The following GLYCTK variants were observed in gnomAD, a reference collection of about 807,000 sequenced individuals.
GLYCTK encodes glycerate kinase.
A neutral mutation model predicts 24.8 loss-of-function variants in GLYCTK; 22 were observed. The ratio of observed to expected loss-of-function variants is 0.89; its 90% CI spans 0.63 to 1.27. The LOEUF is 1.27. GLYCTK is among the 50% of genes most tolerant of loss of function. The probability of loss-of-function intolerance (pLI) is 0.00; values close to 1 mark genes in which losing one functional copy is unlikely to be tolerated. For missense variants in GLYCTK, 684 were observed against 686.7 expected (o/e 1.00, Z 0.04); for synonymous variants, 320 against 297.2 (o/e 1.08, Z -0.79).
Position 52,293,058 on chromosome 3 carries a change from C to G in GLYCTK, c.1504C>G (p.Leu502Val), listed in dbSNP as rs1316940426. 1 of 1,614,148 alleles carries G rather than the reference C, an allele frequency of 6.2e-7. No individual in the cohort carries two copies. ...CTGCTGCCTCCAGGGTGGGGCACACCTGCTGCACACAGGGATGACAGGTAC... is the reference window on the plus strand; with the variant it reads ...CTGCTGCCTCCAGGGTGGGGCACACGTGCTGCACACAGGGATGACAGGTAC... ...FFCCLQGGAH[L>V]LHTGMTGTNV... The change falls in exon 5 of 5, where the codon CTG (leucine) becomes GTG (valine). Residue 502 changes from leucine (L) to valine (V), a missense_variant. Physicochemically the swap from Leu to Val is conservative, Grantham distance 32. Transcript: ENST00000436784.
intron 1 of GLYCTK, chr3:52,288,624 C>T (rs772900636): frequency 6.6e-6 from 1 of 152,096 alleles, no homozygotes; most frequent in Non-Finnish European, 1.5e-5. Flanking sequence ...CAAATTTAAC[C>T]GGAAGTCCTG....
rs35976326 is a variant in GLYCTK at position 52,291,023 on chromosome 3, G to A, written c.441G>A (p.Pro147=). Residue 147 remains proline (P), a synonymous_variant, in exon 3 of 5, where the codon CCG becomes CCA. Transcript: ENST00000436784. Reference sequence around the variant, plus strand: ...TCGAGGGTGCGGAGGACAACCTCCCGGACCGCGATGCGCTGCGGGCTGCAC... The same window carrying A: ...TCGAGGGTGCGGAGGACAACCTCCCAGACCGCGATGCGCTGCGGGCTGCAC... ...QVFEGAEDNL[P]DRDALRAALA... 194,782 of 1,613,758 alleles carry A rather than the reference G, an allele frequency of 0.12. 14,166 individuals carry two copies. The highest frequency in any genetic ancestry group is 0.32 in the African/African-American group (23,856 of 74,960).
chr3:52,293,510 C>T lies in GLYCTK; in HGVS notation c.*384C>T, dbSNP rs1017425241. On this transcript the variant is annotated 3_prime_UTR_variant, in exon 5 of 5. Coordinates refer to ENST00000436784, the MANE Select transcript of GLYCTK (RefSeq NM_145262.4). ...CGCCTTCCCTCAGAGTGAGGCCTCA[C>T]GGGGGAGCCGCTGGGAGGGGAGCGT... 26 of 471,214 alleles carry T rather than the reference C, an allele frequency of 5.5e-5. No homozygotes were observed. The highest frequency in any genetic ancestry group is 1.3e-4 in the East Asian group (2 of 15,290). The allele number at this position is 471,214 out of a possible 1,614,324, so 29.2% of individuals were successfully genotyped here. A position where few individuals can be genotyped will look rare whatever the true frequency, so the allele number is the denominator to read the frequency against.
chr3:52,291,521 G>C (rs950536249), intron 3 of GLYCTK: 13 of 594,872 alleles, frequency 2.2e-5, no homozygotes, highest in Non-Finnish European at 3.9e-5. Context: ...GTCTCTTAAG[G>C]AGTAGTTAGT....
Position 52,291,899 on chromosome 3 carries a change from G to C in GLYCTK, c.682G>C (p.Ala228Pro). The C allele has an allele frequency of 6.2e-7, 1 of 1,613,202 alleles. No homozygotes were observed. The highest frequency in any genetic ancestry group is 8.5e-7 in the Non-Finnish European group (1 of 1,179,748). ...ALSQLKGGGL[A>P]QAAYPAQVVS... ...GTCCCAGCTCAAGGGTGGGGGGCTG[G>C]CTCAGGCCGCCTACCCTGCCCAGGT... Residue 228 changes from alanine (A) to proline (P), a missense_variant, in exon 4 of 5, where the codon GCT becomes CCT. Transcript: ENST00000436784.
At position 52,293,081 on chromosome 3, in the gene GLYCTK, T is replaced by C. The variant is rs747076949; in HGVS notation, c.1527T>C (p.Gly509=). The C allele has an allele frequency of 4.3e-6, 7 of 1,613,878 alleles. No individual in the cohort carries two copies. In the South Asian group the frequency reaches 6.6e-5, roughly 15 times the overall value. The change falls in exon 5 of 5, where the codon GGT becomes GGC. Residue 509 remains glycine, a synonymous_variant. Transcript: ENST00000436784. ...ACCTGCTGCACACAGGGATGACAGG[T>C]ACCAATGTCATGGACACCCACCTCT... The part of the protein sequence containing the change: ...GAHLLHTGMT[G]TNVMDTHLLF...
At chr3:52,288,198 TA>T (rs1180277818) in intron 1 of GLYCTK, among the ~76,000 whole-genome samples, 1 of 152,038 alleles carries the variant, frequency 6.6e-6, no homozygotes, top group Non-Finnish European at 1.5e-5. Flanking sequence ...ACTTAGCAAA[TA>T]AAAATGCAAA....
chr3:52,294,020 G>C lies in GLYCTK; in HGVS notation c.*894G>C. 1 of 425,618 alleles carries C rather than the reference G, an allele frequency of 2.3e-6. No homozygotes were observed. The highest frequency in any genetic ancestry group is 1.7e-5 in the South Asian group (1 of 59,752). The allele number at this position is 425,618 out of a possible 1,614,324, so 26.4% of individuals were successfully genotyped here. On this transcript the variant is annotated 3_prime_UTR_variant, in exon 5 of 5. Coordinates refer to ENST00000436784, the MANE Select transcript of GLYCTK (RefSeq NM_145262.4). ...AGTCAGCCCTTCAGTGGGGGTCCCAGCACTGGGATGGTGGGTCCAGCCAGT... is the reference window on the plus strand; with the variant it reads ...AGTCAGCCCTTCAGTGGGGGTCCCACCACTGGGATGGTGGGTCCAGCCAGT...
At chr3:52,292,034 G>C in intron 4 of GLYCTK, 112 bp downstream of exon 4, 1 of 1,226,330 alleles carries the variant, frequency 8.2e-7, no homozygotes, top group Non-Finnish European at 1.2e-6. Context: ...TGGTGTGAAA[G>C]ACCATGGGGC....
At chr3:52,291,974 C>T (rs1156816762) in intron 4 of GLYCTK, 52 bp downstream of exon 4, 10 of 1,542,306 alleles carry the variant, frequency 6.5e-6, no homozygotes, top group Non-Finnish European at 8.9e-6. Flanking sequence ...GCCAGGCCCA[C>T]ATGTGCCAGG....
Position 52,293,068 on chromosome 3 carries a change from C to G in GLYCTK, c.1514C>G (p.Thr505Arg). ...CAGGGTGGGGCACACCTGCTGCACACAGGGATGACAGGTACCAATGTCATG... is the reference window on the plus strand; with the variant it reads ...CAGGGTGGGGCACACCTGCTGCACAGAGGGATGACAGGTACCAATGTCATG... ...CLQGGAHLLH[T>R]GMTGTNVMDT... Residue 505 changes from threonine (T) to arginine (R), a missense_variant, in exon 5 of 5, where the codon ACA (threonine) becomes AGA (arginine). Physicochemically the swap from Thr to Arg is moderately conservative, Grantham distance 71 (BLOSUM62 -1). Coordinates refer to ENST00000436784, the MANE Select transcript of GLYCTK (RefSeq NM_145262.4). 6.2e-7 allele frequency: 1 copy of G among 1,614,092 alleles called. No homozygotes were observed. Among genetic ancestry groups the G allele is most frequent in the Non-Finnish European group, 8.5e-7 (1 of 1,180,018 alleles).
Position 52,290,411 on chromosome 3 carries a change from C to T in GLYCTK, c.69C>T (p.Gly23=). The T allele has an allele frequency of 1.2e-6, 2 of 1,609,970 alleles. No individual in the cohort carries two copies. Among genetic ancestry groups the T allele is most frequent in the Non-Finnish European group, 1.7e-6 (2 of 1,179,940 alleles). The change falls in exon 2 of 5, where the codon GGC becomes GGT. Residue 23 remains glycine, a synonymous_variant. Coordinates refer to ENST00000436784, the MANE Select transcript of GLYCTK (RefSeq NM_145262.4). ...RAPLHPLLWR[G]SVARLASSMA... ...CCTTGCATCCACTCCTCTGGCGGGG[C>T]TCAGTGGCCCGTCTGGCCAGCAGCA...
In GLYCTK at chr3:52,290,302, A is replaced by T. The variant is rs763298921; in HGVS notation, c.-39-2A>T. On this transcript the variant is annotated splice_acceptor_variant, in intron 1 of 4. Coordinates refer to ENST00000436784, the MANE Select transcript of GLYCTK (RefSeq NM_145262.4). LOFTEE classifies it low-confidence loss of function (5UTR_SPLICE). ...GGCCTCAGTTGTGCTTTTTCCCTCT[A>T]GGCAGCCATGGGTGCCAGGCAGTGC... 6.3e-7 allele frequency: 1 copy of T among 1,583,286 alleles called. No individual in the cohort carries two copies. The highest frequency in any genetic ancestry group is 1.1e-5 in the South Asian group (1 of 90,188).
chr3:52,290,192 T>C (rs1700415426), intron 1 of GLYCTK, 112 bp from the exon 2 acceptor site: 5 of 850,036 alleles, frequency 5.9e-6, no homozygotes, highest in Admixed American at 2.9e-5. Context: ...GATGGCTCCT[T>C]CTTGTAGCAG....
At chr3:52,291,439 T>C in intron 3 of GLYCTK, 1 of 580,054 alleles carries the variant, frequency 1.7e-6, no homozygotes, top group Non-Finnish European at 3.1e-6. Flanking sequence ...CACCTGGGGC[T>C]AGGCCCTCAG....
At position 52,293,032 on chromosome 3, in the gene GLYCTK, T is replaced by G. The variant is rs121909448; in HGVS notation, c.1478T>G (p.Phe493Cys). Residue 493 changes from phenylalanine to cysteine, a missense_variant, in exon 5 of 5, where the codon TTC (phenylalanine) becomes TGC (cysteine). Transcript: ENST00000436784. ...GCCCACAATGACTCACATACCTTCT[T>G]CTGCTGCCTCCAGGGTGGGGCACAC... ...FLAHNDSHTFFCCLQGGAHLL... is the reference protein window; with the variant it reads ...FLAHNDSHTFCCCLQGGAHLL... 1.0e-4 allele frequency: 164 copies of G among 1,614,002 alleles called. No individual in the cohort carries two copies. The highest frequency in any genetic ancestry group is 4.7e-4 in the Admixed American group (28 of 59,990).
Position 52,287,892 on chromosome 3 carries a change from C to T in GLYCTK, c.-40+16C>T, listed in dbSNP as rs771750235. 7 of 449,416 alleles carry T rather than the reference C, an allele frequency of 1.6e-5. No homozygotes were observed. Among genetic ancestry groups the T allele is most frequent in the Non-Finnish European group, 3.1e-5 (7 of 223,820 alleles). The allele number at this position is 449,416 out of a possible 1,614,324, so 27.8% of individuals were successfully genotyped here. A position where few individuals can be genotyped will look rare whatever the true frequency, so the allele number is the denominator to read the frequency against. On this transcript the variant is annotated intron_variant, in intron 1 of 4. Coordinates refer to ENST00000436784, the MANE Select transcript of GLYCTK (RefSeq NM_145262.4). ...CTGTGGGCTGGTAAGTCTGCGCCGC[C>T]AGGGCTCGCATGGCCTTCAGAAGCG...
In GLYCTK at chr3:52,290,647, G is replaced by C; in HGVS notation, c.305G>C (p.Gly102Ala). Residue 102 changes from glycine to alanine, a missense_variant, in exon 2 of 5, where the codon GGC becomes GCC. Physicochemically the swap from Gly to Ala is moderately conservative, Grantham distance 60 (BLOSUM62 0). Coordinates refer to ENST00000436784, the MANE Select transcript of GLYCTK (RefSeq NM_145262.4). ...GMAAAAEELL[G>A]QHLVQGVISV... ...GCAGCTGCAGCTGAGGAACTACTGG[G>C]CCAGCATCTTGTGCAGGGCGTGATC... 1.9e-6 allele frequency: 3 copies of C among 1,613,704 alleles called. No homozygotes were observed. Among genetic ancestry groups the C allele is most frequent in the Non-Finnish European group, 2.5e-6 (3 of 1,180,032 alleles).
At chr3:52,288,157 G>C (rs1390931563) in intron 1 of GLYCTK, 2 of 165,092 alleles carry the variant, frequency 1.2e-5, no homozygotes, top group African/African-American at 4.8e-5. Context: ...CCGGAGTTTC[G>C]GAGAGACCGT....
Sources: allele counts gnomAD v4.1 joint callset (sites outside exome capture counted in the v4.1 genomes callset), GRCh38; gene constraint gnomAD v4.1.1; transcripts MANE v1.5; gene names NCBI Gene and HGNC (gene_info 2026-07-23, HGNC 2026-07-21).